Variants in PDZD2 observed in about 807,000 individuals in gnomAD.
The protein encoded by PDZD2 is PDZ domain-containing protein 2.
PDZD2 carries 90 observed loss-of-function variants against 220.7 expected under a neutral mutation model. That is an observed-to-expected ratio of 0.41 (90% CI 0.34 to 0.49). The LOEUF is 0.49. PDZD2 is among the 20% of genes least tolerant of loss of function. The pLI, the probability that PDZD2 is intolerant of heterozygous loss-of-function variation, is 0.28. For missense variants in PDZD2, 3,174 were observed against 3,608.5 expected (o/e 0.88, Z 3.08); for synonymous variants, 1,375 against 1,450.5 (o/e 0.95, Z 1.18).
intron 2 of PDZD2, among the ~76,000 whole-genome samples, chr5:31,912,920 T>C (rs1743333466): frequency 6.6e-6 from 1 of 151,290 alleles, no homozygotes; most frequent in African/African-American, 2.5e-5. Context: ...ATAACAAATG[T>C]ACCCAGTGAA....
chr5:32,027,483 G>A (rs1241720482), intron 6 of PDZD2, among the ~76,000 whole-genome samples: 2 of 152,214 alleles, frequency 1.3e-5, no homozygotes. Context: ...TAGAACAAGG[G>A]CAGTATTAAT....
chr5:31,827,842 G>A (rs1398132473), intron 2 of PDZD2, among the ~76,000 whole-genome samples: 7 of 152,072 alleles, frequency 4.6e-5, no homozygotes, highest in African/African-American at 7.2e-5. Context: ...ATTTTAGGAC[G>A]TTTTTATCCT....
intron 2 of PDZD2, among the ~76,000 whole-genome samples, chr5:31,877,708 A>G (rs1739432150): frequency 6.6e-6 from 1 of 151,788 alleles, no homozygotes; most frequent in South Asian, 2.1e-4. Flanking sequence ...ATTTATTTTG[A>G]GACAGAGTTT....
chr5:31,718,788 C>T (rs1748609967), intron 1 of PDZD2, among the ~76,000 whole-genome samples: 1 of 151,368 alleles, frequency 6.6e-6, no homozygotes, highest in South Asian at 2.1e-4. Flanking sequence ...GCAACCTCCA[C>T]CTCTTGGGTT....
At chr5:31,766,749 A>T (rs1225876888) in intron 1 of PDZD2, among the ~76,000 whole-genome samples, 1 of 121,282 alleles carries the variant, frequency 8.2e-6, no homozygotes, top group African/African-American at 3.1e-5. Flanking sequence ...TTTTTTTTTG[A>T]GACAGAGTTT....
At position 31,642,682 on chromosome 5, in the gene PDZD2, CA is replaced by C. The variant is rs1391045029; in HGVS notation, c.-361+3246del. Among the ~76,000 whole-genome samples, 4 of 152,182 alleles carry C rather than the reference CA, an allele frequency of 2.6e-5. No homozygotes were observed. The South Asian group carries it at 8.3e-4, about 32-fold the overall frequency. On this transcript the variant is annotated intron_variant, in intron 1 of 24. Transcript: ENST00000438447. ...GTGGGAGAGAGTAGAGAAGCTAGAT[CA>C]GGGGTGTTTGGGCTGGAAGAGGTGA...
chr5:31,662,092 C>G (rs1452633421), intron 1 of PDZD2, among the ~76,000 whole-genome samples: 1 of 152,026 alleles, frequency 6.6e-6, no homozygotes, highest in Non-Finnish European at 1.5e-5. Context: ...GGGCAGATCA[C>G]CTGAGGTTAG....
At chr5:31,794,904 C>A (rs1753941305) in intron 1 of PDZD2, among the ~76,000 whole-genome samples, 1 of 152,074 alleles carries the variant, frequency 6.6e-6, no homozygotes, top group Non-Finnish European at 1.5e-5. Context: ...TCCAGGACAT[C>A]TGGAAGGGAG....
chr5:31,781,182 A>G (rs10940965), intron 1 of PDZD2, among the ~76,000 whole-genome samples: 88,570 of 152,060 alleles, frequency 0.58, 25,873 homozygotes, highest in Admixed American at 0.61. Flanking sequence ...GGGAGACTGA[A>G]GTGGGCAGAT....
At chr5:31,894,923 C>T (rs1653759090) in intron 2 of PDZD2, among the ~76,000 whole-genome samples, 1 of 152,142 alleles carries the variant, frequency 6.6e-6, no homozygotes, top group South Asian at 2.1e-4. Context: ...GAGTCTCACC[C>T]CATGGCCCAG....
chr5:31,796,090 A>C, intron 1 of PDZD2, among the ~76,000 whole-genome samples: 1 of 152,286 alleles, frequency 6.6e-6, no homozygotes, highest in East Asian at 1.9e-4. Flanking sequence ...ATCAGATCCG[A>C]GCTGAGCCAA....
intron 1 of PDZD2, among the ~76,000 whole-genome samples, chr5:31,689,353 A>ATATTTTTTTTTTTT: frequency 1.7e-4 from 6 of 35,122 alleles, no homozygotes; most frequent in Admixed American, 1.0e-3. Flanking sequence ...ATATATATAT[A>ATATTTTTTTTTTTT]TTTTTTTTTT....
chr5:32,081,189 T>C (rs976002640), intron 19 of PDZD2, among the ~76,000 whole-genome samples: 24 of 152,140 alleles, frequency 1.6e-4, no homozygotes, highest in African/African-American at 5.8e-4. Context: ...CCGTACTCCC[T>C]GGAGCTCTGT....
intron 1 of PDZD2, among the ~76,000 whole-genome samples, chr5:31,727,799 C>G (rs253915): frequency 1.3e-5 from 2 of 150,806 alleles, no homozygotes; most frequent in African/African-American, 4.9e-5. Flanking sequence ...TCAGGAGATG[C>G]GAGACCGTCT....
chr5:32,101,366 C>A, intron 24 of PDZD2, 127 bp downstream of exon 24: 2 of 883,474 alleles, frequency 2.3e-6, no homozygotes, highest in Non-Finnish European at 3.4e-6. Context: ...TTGTGACATA[C>A]AAGGTTTATT....
intron 1 of PDZD2, among the ~76,000 whole-genome samples, chr5:31,685,244 GT>G (rs1746805933): frequency 1.3e-5 from 2 of 151,956 alleles, no homozygotes; most frequent in African/African-American, 4.8e-5. Context: ...CTCCTTGTTG[GT>G]ATTTTAATTG....
rs141343379 is a variant in PDZD2 at position 31,870,876 on chromosome 5, G to A, written c.476+71152G>A. The stretch of plus-strand genomic sequence containing the variant: ...TGCACTCCAGCCTATGCGACAGATC[G>A]AGACTCTGTCTCAAAAAAAAAAAAA... On this transcript the variant is annotated intron_variant, in intron 2 of 24. Coordinates refer to ENST00000438447, the MANE Select transcript of PDZD2 (RefSeq NM_178140.4). Among the ~76,000 whole-genome samples, 299 of 145,154 alleles carry A rather than the reference G, an allele frequency of 2.1e-3. 2 individuals carry two copies. In the East Asian group the frequency reaches 0.029, roughly 14 times the overall value.
intron 2 of PDZD2, among the ~76,000 whole-genome samples, chr5:31,822,193 C>T (rs185889723): frequency 3.2e-4 from 49 of 151,676 alleles, no homozygotes; most frequent in African/African-American, 1.1e-3. Context: ...GAGTTATAAT[C>T]CTTTGGGTAT....
At chr5:31,785,426 A>T (rs936734820) in intron 1 of PDZD2, among the ~76,000 whole-genome samples, 4 of 147,616 alleles carry the variant, frequency 2.7e-5, no homozygotes, top group Non-Finnish European at 6.0e-5. Context: ...CATATATATT[A>T]TATATATATA....
Sources: allele counts gnomAD v4.1 joint callset (sites outside exome capture counted in the v4.1 genomes callset), GRCh38; gene constraint gnomAD v4.1.1; transcripts MANE v1.5; gene names NCBI Gene and HGNC (gene_info 2026-07-23, HGNC 2026-07-21).